The following TSGA10IP variants were observed in gnomAD, a reference collection of about 807,000 sequenced individuals.
The protein encoded by TSGA10IP is testis-specific protein 10-interacting protein.
Under a neutral mutation model 63.2 loss-of-function variants are expected in TSGA10IP, and 64 were observed. That is an observed-to-expected ratio of 1.01 (90% CI 0.83 to 1.25). The LOEUF is 1.25. TSGA10IP is among the 50% of genes most tolerant of loss of function. TSGA10IP has a pLI of 0.00. For missense variants in TSGA10IP, 681 were observed against 710.1 expected (o/e 0.96, Z 0.47); for synonymous variants, 316 against 298.3 (o/e 1.06, Z -0.61).
At chr11:65,958,263 T>A (rs1379614018) in intron 5 of TSGA10IP, among the ~76,000 whole-genome samples, 1 of 152,198 alleles carries the variant, frequency 6.6e-6, no homozygotes, top group Non-Finnish European at 1.5e-5. Context: ...TTTTTATAAA[T>A]GAAAATTGTG....
intron 4 of TSGA10IP, 90 bp from the exon 5 acceptor site, chr11:65,953,477 G>A: frequency 6.9e-7 from 1 of 1,455,212 alleles, no homozygotes; most frequent in Non-Finnish European, 9.0e-7. Context: ...CCTCCCCACA[G>A]GCTTCCATAT....
At chr11:65,954,704 G>A (rs1311422519) in intron 5 of TSGA10IP, among the ~76,000 whole-genome samples, 2 of 151,878 alleles carry the variant, frequency 1.3e-5, no homozygotes, top group Admixed American at 1.3e-4. Context: ...TGTAATCCTA[G>A]CTATTCGGGA....
intron 5 of TSGA10IP, among the ~76,000 whole-genome samples, chr11:65,958,317 A>G (rs1231309262): frequency 6.6e-6 from 1 of 152,174 alleles, no homozygotes; most frequent in Non-Finnish European, 1.5e-5. Context: ...TGTTTTTTAA[A>G]TTTGAAACAT....
chr11:65,953,571 C>T (rs751334013), exon 5 of TSGA10IP: 5 of 1,583,468 alleles, frequency 3.2e-6, no homozygotes, highest in South Asian at 1.1e-5. Flanking sequence ...CCCAAGGAGC[C>T]TGCTGCAGGC....
At chr11:65,950,813 C>T (rs1451407610) in intron 4 of TSGA10IP, among the ~76,000 whole-genome samples, 2 of 152,174 alleles carry the variant, frequency 1.3e-5, no homozygotes, top group Non-Finnish European at 2.9e-5. Flanking sequence ...CCACCCGCCT[C>T]AGCCTCCCAA....
At chr11:65,954,981 C>T (rs2134882247) in intron 5 of TSGA10IP, among the ~76,000 whole-genome samples, 2 of 152,328 alleles carry the variant, frequency 1.3e-5, no homozygotes, top group South Asian at 4.1e-4. Flanking sequence ...ATGCGCTCAG[C>T]ATCTGCATGC....
At chr11:65,947,355 C>G (rs767507228) in exon 3 of TSGA10IP, 2 of 1,611,816 alleles carry the variant, frequency 1.2e-6, no homozygotes, top group Admixed American at 3.4e-5. Flanking sequence ...CAGCTGGGAG[C>G]CTGGGGCGGT....
At chr11:65,949,131 G>T (rs1022621413) in intron 4 of TSGA10IP, among the ~76,000 whole-genome samples, 15 of 152,150 alleles carry the variant, frequency 9.9e-5, no homozygotes, top group African/African-American at 3.4e-4. Flanking sequence ...TTGAGCCCAG[G>T]AGATCAAGGC....
At chr11:65,947,867 A>G in intron 3 of TSGA10IP, 39 bp downstream of exon 3, 1 of 1,520,212 alleles carries the variant, frequency 6.6e-7, no homozygotes, top group Non-Finnish European at 8.8e-7. Context: ...CCCCGAAGCT[A>G]CACCGCAGGG....
intron 5 of TSGA10IP, among the ~76,000 whole-genome samples, chr11:65,955,890 C>T (rs774660575): frequency 6.6e-6 from 1 of 152,136 alleles, no homozygotes; most frequent in Non-Finnish European, 1.5e-5. Context: ...CGCTTTTAGA[C>T]GAAAGGCACC....
At chr11:65,950,158 AT>A (rs1257571048) in intron 4 of TSGA10IP, among the ~76,000 whole-genome samples, 61 of 146,828 alleles carry the variant, frequency 4.2e-4, no homozygotes, top group Admixed American at 9.5e-4. Flanking sequence ...GTCTTACTTG[AT>A]TTTTTTTTTT....
At position 65,959,333 on chromosome 11, in the gene TSGA10IP, T is replaced by C; in HGVS notation, c.1547+19T>C. 6.2e-7 allele frequency: 1 copy of C among 1,609,546 alleles called. No homozygotes were observed. The highest frequency in any genetic ancestry group is 2.0e-4 in the Middle Eastern group (1 of 5,068). The stretch of plus-strand genomic sequence containing the variant: ...AACCCAGGTGAGTCTCCCCGTCAGG[T>C]CAAGAACTGACTCTGCCATGCTGCT... On this transcript the variant is annotated intron_variant, in intron 7 of 7. Transcript: ENST00000532620.
intron 4 of TSGA10IP, among the ~76,000 whole-genome samples, chr11:65,949,844 A>G (rs1591113960): frequency 7.6e-6 from 1 of 131,170 alleles, no homozygotes; most frequent in Non-Finnish European, 1.6e-5. Flanking sequence ...CATATGCATT[A>G]CCTCGGTTTT....
chr11:65,948,276 TCATCCATCCATCCATCCATCCATCCATC>T lies in TSGA10IP; in HGVS notation c.1151+143_1151+170del, dbSNP rs200343600. 5 of 1,048,722 alleles carry T rather than the reference TCATCCATCCATCCATCCATCCATCCATC, an allele frequency of 4.8e-6. No homozygotes were observed. The East Asian group carries it at 1.5e-4, about 31-fold the overall frequency. The allele number at this position is 1,048,722 out of a possible 1,614,324, so 65.0% of individuals were successfully genotyped here. On this transcript the variant is annotated intron_variant, in intron 4 of 7. Transcript: ENST00000532620. ...TTTATCCATTCACCAAACTTTTGGATCATCCATCCATCCATCCATCCATCCATCCATCCATCCATCCACCCATCCATCC... is the reference window on the plus strand; with the variant it reads ...TTTATCCATTCACCAAACTTTTGGATCATCCATCCATCCACCCATCCATCC...
chr11:65,947,635 T>C, exon 3 of TSGA10IP: 1 of 1,613,172 alleles, frequency 6.2e-7, no homozygotes, highest in Non-Finnish European at 8.5e-7. Flanking sequence ...GGAGGGCTGG[T>C]TGTCAGAGAA....
intron 6 of TSGA10IP, 91 bp downstream of exon 6, chr11:65,959,073 G>C (rs1247732578): frequency 2.6e-6 from 4 of 1,567,590 alleles, no homozygotes; most frequent in African/African-American, 2.7e-5. Flanking sequence ...GGTCCCTGCA[G>C]ATAGGATCCC....
At chr11:65,952,192 A>T (rs1387359487) in intron 4 of TSGA10IP, among the ~76,000 whole-genome samples, 2 of 151,860 alleles carry the variant, frequency 1.3e-5, no homozygotes, top group Non-Finnish European at 2.9e-5. Context: ...CTTGTTACTG[A>T]GTTACTTGAG....
chr11:65,952,999 A>T (rs1436278079), intron 4 of TSGA10IP, among the ~76,000 whole-genome samples: 1 of 151,366 alleles, frequency 6.6e-6, no homozygotes, highest in Non-Finnish European at 1.5e-5. Flanking sequence ...TAATTCTTCC[A>T]AAGCACCCTT....
chr11:65,953,582 C>T, exon 5 of TSGA10IP: 1 of 1,590,464 alleles, frequency 6.3e-7, no homozygotes, highest in Non-Finnish European at 8.6e-7. Flanking sequence ...TGCTGCAGGC[C>T]TGGGAGCGGC....
Sources: gnomAD v4.1 joint callset for allele counts (sites outside exome capture counted in the v4.1 genomes callset) on GRCh38, gnomAD v4.1.1 for gene constraint, MANE v1.5 for transcripts, NCBI Gene and HGNC (gene_info 2026-07-23, HGNC 2026-07-21) for gene names.